The following NFYC variants were observed in gnomAD, a reference collection of about 807,000 sequenced individuals.
NFYC encodes the protein CAAT box DNA-binding protein subunit C.
In NFYC, 25 loss-of-function variants were observed where a neutral mutation model predicts 53.1. That is an observed-to-expected ratio of 0.47 (90% CI 0.34 to 0.66). The LOEUF (loss-of-function observed/expected upper bound fraction) is 0.66, where lower values mean the gene tolerates loss of function less well. NFYC is among the 30% of genes least tolerant of loss of function. The probability of loss-of-function intolerance (pLI) is 0.01; values close to 1 mark genes in which losing one functional copy is unlikely to be tolerated. For missense variants in NFYC, 260 were observed against 422.7 expected (o/e 0.62, Z 3.38); for synonymous variants, 145 against 152.6 (o/e 0.95, Z 0.37).
At chr1:40,763,315 T>C (rs1557924369) in intron 7 of NFYC, 1 of 470,956 alleles carries the variant, frequency 2.1e-6, no homozygotes, top group Non-Finnish European at 4.2e-6. Flanking sequence ...TTGATATATA[T>C]ATAGAGATAT....
chr1:40,748,941 G>A (rs766329627), intron 3 of NFYC, among the ~76,000 whole-genome samples: 9 of 152,160 alleles, frequency 5.9e-5, no homozygotes, highest in Non-Finnish European at 1.0e-4. Flanking sequence ...TAACTCCAGA[G>A]CTCTTTCTGT....
chr1:40,739,713 A>G (rs1451500183), intron 2 of NFYC, among the ~76,000 whole-genome samples: 1 of 152,258 alleles, frequency 6.6e-6, no homozygotes, highest in Non-Finnish European at 1.5e-5. Flanking sequence ...TTTACTAAGT[A>G]CTTACTGAAT....
rs1377941146 is a variant in NFYC, at chr1:40,707,213, C to T, written c.-9+15346C>T. On this transcript the variant is annotated intron_variant, in intron 1 of 9. Coordinates refer to ENST00000447388, the MANE Select transcript of NFYC (RefSeq NM_014223.5). ...TTTTTTATATATATATGGTAGAAGG[C>T]TGGGGTGCAGTGGCTCACTCCTGTA... Among the ~76,000 whole-genome samples the T allele has an allele frequency of 2.0e-5, 3 of 150,578 alleles. No individual in the cohort carries two copies. In the East Asian group the frequency reaches 5.9e-4, roughly 29 times the overall value.
At chr1:40,695,105 G>A (rs1055573175) in intron 1 of NFYC, among the ~76,000 whole-genome samples, 2 of 152,092 alleles carry the variant, frequency 1.3e-5, no homozygotes, top group African/African-American at 4.8e-5. Flanking sequence ...CTGGCATGGT[G>A]GTGGGCGCCT....
chr1:40,760,495 C>T (rs1246597212), intron 6 of NFYC, among the ~76,000 whole-genome samples: 3 of 151,942 alleles, frequency 2.0e-5, no homozygotes, highest in Admixed American at 6.6e-5. Context: ...CCGAGGTGGG[C>T]GGATCACAAA....
chr1:40,727,524 T>C (rs1160229040), intron 1 of NFYC, among the ~76,000 whole-genome samples: 1 of 145,984 alleles, frequency 6.9e-6, no homozygotes, highest in East Asian at 2.1e-4. Context: ...TGCCTGGCCA[T>C]GAATATTCTT....
chr1:40,758,109 T>C lies in NFYC; in HGVS notation c.388-12T>C, dbSNP rs995126208. The C allele has an allele frequency of 3.3e-5, 53 of 1,611,574 alleles. No individual in the cohort carries two copies. Among genetic ancestry groups the C allele is most frequent in the Non-Finnish European group, 3.8e-5 (45 of 1,179,800 alleles). On this transcript the variant is annotated splice_polypyrimidine_tract_variant and intron_variant, in intron 5 of 9. Coordinates refer to ENST00000447388, the MANE Select transcript of NFYC (RefSeq NM_014223.5). Reference sequence around the variant, plus strand: ...TCTTTTCCTCTTACCTGCCTCTCTTTCCACCCAACAGGAGGAGGTGCGCCA... The same window carrying C: ...TCTTTTCCTCTTACCTGCCTCTCTTCCCACCCAACAGGAGGAGGTGCGCCA...
chr1:40,723,364 G>C (rs999904016), intron 1 of NFYC: 4 of 152,126 alleles, frequency 2.6e-5, no homozygotes, highest in African/African-American at 7.2e-5. Context: ...ATTCCTTTTC[G>C]GGATTGAGGC....
chr1:40,721,087 G>A (rs1644310787), intron 1 of NFYC, among the ~76,000 whole-genome samples: 1 of 152,180 alleles, frequency 6.6e-6, no homozygotes, highest in Admixed American at 6.5e-5. Flanking sequence ...TGTTACACAA[G>A]TCTGAAGCAA....
intron 1 of NFYC, among the ~76,000 whole-genome samples, chr1:40,710,431 C>T (rs746694739): frequency 6.6e-6 from 1 of 152,198 alleles, no homozygotes; most frequent in Non-Finnish European, 1.5e-5. Context: ...ATATATTTTT[C>T]TCTTTATGGA....
At chr1:40,702,428 C>A (rs1230824090) in intron 1 of NFYC, among the ~76,000 whole-genome samples, 1 of 151,120 alleles carries the variant, frequency 6.6e-6, no homozygotes, top group Admixed American at 6.6e-5. Flanking sequence ...CTGTAACCTC[C>A]GCCTACCAGG....
chr1:40,769,277 A>T (rs915807049), intron 8 of NFYC, 79 bp from the exon 9 acceptor site: 1 of 1,423,670 alleles, frequency 7.0e-7, no homozygotes, highest in African/African-American at 1.4e-5. Flanking sequence ...TTTGATCTTT[A>T]TGACCCTCTT....
chr1:40,702,864 C>T (rs995468586), intron 1 of NFYC, among the ~76,000 whole-genome samples: 11 of 150,496 alleles, frequency 7.3e-5, no homozygotes, highest in African/African-American at 2.0e-4. Context: ...TTGCCCAGGC[C>T]GGAGTGCAGT....
At chr1:40,730,475 G>A in intron 1 of NFYC, 1 of 819,690 alleles carries the variant, frequency 1.2e-6, no homozygotes, top group Non-Finnish European at 1.5e-6. Flanking sequence ...GGAATGGCCA[G>A]TTGGTAGAGC....
At chr1:40,735,810 T>C in intron 1 of NFYC, 1 of 963,090 alleles carries the variant, frequency 1.0e-6, no homozygotes, top group South Asian at 4.8e-5. Context: ...TATTTTTGTT[T>C]GCCCCATTTA....
At chr1:40,724,744 A>G (rs1032308294) in intron 1 of NFYC, among the ~76,000 whole-genome samples, 6 of 152,216 alleles carry the variant, frequency 3.9e-5, no homozygotes, top group African/African-American at 1.4e-4. Context: ...TGCTACAACT[A>G]TATTATGATC....
intron 1 of NFYC, among the ~76,000 whole-genome samples, chr1:40,728,279 G>A (rs1644611298): frequency 6.6e-6 from 1 of 152,122 alleles, no homozygotes; most frequent in African/African-American, 2.4e-5. Flanking sequence ...GCTGCAGAAT[G>A]GATATTGTGT....
chr1:40,700,967 T>C (rs941136460), intron 1 of NFYC, among the ~76,000 whole-genome samples: 5 of 152,196 alleles, frequency 3.3e-5, no homozygotes, highest in African/African-American at 7.2e-5. Context: ...GTCTTAAACA[T>C]GGGGCTGGGA....
At chr1:40,718,698 T>A (rs2148482119) in intron 1 of NFYC, among the ~76,000 whole-genome samples, 1 of 152,346 alleles carries the variant, frequency 6.6e-6, no homozygotes, top group South Asian at 2.1e-4. Context: ...AGTTGAAGGA[T>A]TTTTTCCAAA....
Sources: gnomAD v4.1 joint callset for allele counts (sites outside exome capture counted in the v4.1 genomes callset) on GRCh38, gnomAD v4.1.1 for gene constraint, MANE v1.5 for transcripts, NCBI Gene and HGNC (gene_info 2026-07-23, HGNC 2026-07-21) for gene names.